The following MEF2A variants were observed in gnomAD, a reference collection of about 807,000 sequenced individuals.
The protein encoded by MEF2A is myocyte enhancer factor 2A.
A neutral mutation model predicts 55.8 loss-of-function variants in MEF2A; 28 were observed. The observed-to-expected ratio is 0.50, with a 90% CI of 0.37 to 0.69. MEF2A has a LOEUF of 0.69. Among genes scored for constraint, MEF2A ranks in the 30% least tolerant of loss-of-function variants. The probability of loss-of-function intolerance (pLI) is 0.00; values close to 1 mark genes in which losing one functional copy is unlikely to be tolerated. For missense variants in MEF2A, 528 were observed against 626.2 expected, an observed-to-expected ratio of 0.84 and a Z score of 1.67; for synonymous variants, 239 against 227.1, an observed-to-expected ratio of 1.05 and a Z score of -0.47.
intron 1 of MEF2A, among the ~76,000 whole-genome samples, chr15:99,575,191 A>G (rs1304068532): frequency 6.6e-6 from 1 of 152,192 alleles, no homozygotes; most frequent in African/African-American, 2.4e-5. Flanking sequence ...GGGATTCAAG[A>G]AATTTAATAT....
intron 8 of MEF2A, among the ~76,000 whole-genome samples, chr15:99,700,120 A>G (rs1333558997): frequency 7.6e-6 from 1 of 132,374 alleles, no homozygotes; most frequent in African/African-American, 2.7e-5. Context: ...AGCCTCCCGA[A>G]GTGCTGGGAT....
chr15:99,706,344 C>T (rs1304224896), intron 9 of MEF2A, among the ~76,000 whole-genome samples: 1 of 152,202 alleles, frequency 6.6e-6, no homozygotes, highest in African/African-American at 2.4e-5. Context: ...CGTACAATCC[C>T]TATATATACA....
At chr15:99,699,263 CTG>C (rs2057001657) in intron 8 of MEF2A, among the ~76,000 whole-genome samples, 2 of 152,170 alleles carry the variant, frequency 1.3e-5, no homozygotes, top group Non-Finnish European at 2.9e-5. Flanking sequence ...CAGCAATAAA[CTG>C]TTTATTCACC....
At position 99,621,659 on chromosome 15, in the gene MEF2A, A is replaced by G. The variant is rs529902987; in HGVS notation, c.-142-11319A>G. ...GCCCTGATGTATGAGTCTTATGTCTAGTTTCCTATTTGACATTTTCACTTG... is the reference window on the plus strand; with the variant it reads ...GCCCTGATGTATGAGTCTTATGTCTGGTTTCCTATTTGACATTTTCACTTG... On this transcript the variant is annotated intron_variant, in intron 2 of 11. Coordinates refer to ENST00000557942, the MANE Select transcript of MEF2A (RefSeq NM_001319206.4). Among the ~76,000 whole-genome samples, 4 of 152,266 alleles carry G rather than the reference A, an allele frequency of 2.6e-5. No homozygotes were observed. The South Asian group carries it at 6.2e-4, about 24-fold the overall frequency.
At chr15:99,586,003 C>T (rs1425021448) in intron 1 of MEF2A, among the ~76,000 whole-genome samples, 2 of 151,840 alleles carry the variant, frequency 1.3e-5, no homozygotes, top group African/African-American at 4.8e-5. Context: ...CGTGATTCAT[C>T]TGTGTTTGTA....
At chr15:99,708,867 A>T (rs1256664636) in intron 10 of MEF2A, among the ~76,000 whole-genome samples, 1 of 152,014 alleles carries the variant, frequency 6.6e-6, no homozygotes, top group African/African-American at 2.4e-5. Flanking sequence ...AAAGGCTAGG[A>T]GTTTGCGGGC....
intron 3 of MEF2A, among the ~76,000 whole-genome samples, chr15:99,644,001 G>C (rs2045506805): frequency 6.6e-6 from 1 of 152,136 alleles, no homozygotes. Context: ...CAGACTAGAT[G>C]GTATTGGCTA....
Position 99,712,876 on chromosome 15 carries a change from C to CAT in MEF2A, c.*114_*115dup, listed in dbSNP as rs778233633. 75 of 1,189,826 alleles carry CAT rather than the reference C, an allele frequency of 6.3e-5. No homozygotes were observed. Among genetic ancestry groups the CAT allele is most frequent in the South Asian group, 1.4e-4 (9 of 64,168 alleles). 73.7% of individuals were successfully genotyped at this position (1,189,826 alleles called of 1,614,324 possible). The stretch of plus-strand genomic sequence containing the variant: ...AGTTAAATATATTTATATGTACATA[C>CAT]ATATATATATCCCTTTACATATATA... On this transcript the variant is annotated 3_prime_UTR_variant, in exon 12 of 12. Coordinates refer to ENST00000557942, the MANE Select transcript of MEF2A (RefSeq NM_001319206.4). This position sits in a 1 kb window ranked among gnomAD's most constrained non-coding sequence, Gnocchi z 4.1.
At chr15:99,661,845 C>T (rs2048697560) in intron 4 of MEF2A, among the ~76,000 whole-genome samples, 1 of 151,734 alleles carries the variant, frequency 6.6e-6, no homozygotes, top group Non-Finnish European at 1.5e-5. Flanking sequence ...ATGTCCACAG[C>T]AGCATTTTTA....
intron 1 of MEF2A, among the ~76,000 whole-genome samples, chr15:99,596,506 C>G (rs1192819759): frequency 3.9e-5 from 6 of 152,066 alleles, no homozygotes; most frequent in African/African-American, 1.4e-4. Flanking sequence ...TTTCCCGCCC[C>G]CAGAGGAGGT....
intron 1 of MEF2A, among the ~76,000 whole-genome samples, chr15:99,586,546 A>G (rs1967336139): frequency 1.3e-5 from 2 of 152,154 alleles, no homozygotes; most frequent in South Asian, 4.1e-4. Flanking sequence ...ACTCAGCTGT[A>G]AGACATCTTT....
chr15:99,592,260 T>G (rs2152977193), intron 1 of MEF2A, among the ~76,000 whole-genome samples: 1 of 152,278 alleles, frequency 6.6e-6, no homozygotes, highest in Non-Finnish European at 1.5e-5. Context: ...AACTTGAACA[T>G]TCTGCAGTCT....
chr15:99,704,271 G>A (rs546720781), intron 9 of MEF2A, among the ~76,000 whole-genome samples: 6 of 152,300 alleles, frequency 3.9e-5, no homozygotes, highest in African/African-American at 1.4e-4. Context: ...TCTTTTCAAA[G>A]AAGGTTATCT....
At chr15:99,629,352 T>G (rs893915447) in intron 2 of MEF2A, among the ~76,000 whole-genome samples, 4 of 152,246 alleles carry the variant, frequency 2.6e-5, no homozygotes, top group African/African-American at 9.6e-5. Flanking sequence ...CCAGTCGCCA[T>G]GAGAGCACAC....
chr15:99,666,077 C>T (rs1294909356), intron 4 of MEF2A, among the ~76,000 whole-genome samples: 1 of 152,086 alleles, frequency 6.6e-6, no homozygotes, highest in Non-Finnish European at 1.5e-5. Context: ...CCCAGTAATG[C>T]CATTACTGAA....
At chr15:99,638,922 A>T (rs1241697027) in intron 3 of MEF2A, among the ~76,000 whole-genome samples, 1 of 152,094 alleles carries the variant, frequency 6.6e-6, no homozygotes, top group African/African-American at 2.4e-5. Flanking sequence ...CAGCTTTCTG[A>T]TGTCTTTAAA....
intron 2 of MEF2A, among the ~76,000 whole-genome samples, chr15:99,603,809 G>A (rs780107187): frequency 1.3e-5 from 2 of 152,214 alleles, no homozygotes; most frequent in African/African-American, 2.4e-5. Context: ...AGACTTCTGT[G>A]TCCCTTTTGA....
chr15:99,600,138 T>G (rs933445333), intron 2 of MEF2A, among the ~76,000 whole-genome samples: 1 of 152,160 alleles, frequency 6.6e-6, no homozygotes, highest in Non-Finnish European at 1.5e-5. Context: ...GCTAAAGCAC[T>G]CATGCCCTTA....
rs114496444 is a variant in MEF2A, at chr15:99,612,065, A to G, written c.-143+13554A>G. ...ATCAAATTTCTTTTTGGGATGATAAAAATGTTCTATAATTAGATAGTGGTA... is the reference window on the plus strand; with the variant it reads ...ATCAAATTTCTTTTTGGGATGATAAGAATGTTCTATAATTAGATAGTGGTA... On this transcript the variant is annotated intron_variant, in intron 2 of 11. Transcript: ENST00000557942. 3.4e-3 allele frequency among the ~76,000 whole-genome samples: 520 copies of G among 152,252 alleles called. 3 individuals carry two copies. The highest frequency in any genetic ancestry group is 0.011 in the African/African-American group (473 of 41,542).
Sources: gnomAD v4.1 joint callset for allele counts (sites outside exome capture counted in the v4.1 genomes callset) on GRCh38, gnomAD v4.1.1 for gene constraint, Gnocchi (gnomAD v3.1) non-coding constraint, MANE v1.5 for transcripts, NCBI Gene and HGNC (gene_info 2026-07-23, HGNC 2026-07-21) for gene names.